MAST4: variants seen among roughly 807,000 people sequenced by gnomAD.
The protein encoded by MAST4 is microtubule-associated serine/threonine-protein kinase 4.
Under a neutral mutation model 162.7 loss-of-function variants are expected in MAST4, and 89 were observed. That is an observed-to-expected ratio of 0.55 (90% CI 0.46 to 0.65). The LOEUF is 0.65. MAST4 is among the 30% of genes least tolerant of loss of function. The probability of loss-of-function intolerance (pLI) is 0.00; values close to 1 mark genes in which losing one functional copy is unlikely to be tolerated. For synonymous variants in MAST4, 1,479 were observed against 1,361.1 expected (o/e 1.09, Z -1.91); for missense variants, 3,153 against 3,374.0 (o/e 0.93, Z 1.62).
At chr5:67,036,352 A>C (rs534590543) in intron 4 of MAST4, among the ~76,000 whole-genome samples, 38 of 152,252 alleles carry the variant, frequency 2.5e-4, no homozygotes, top group Admixed American at 8.5e-4. Flanking sequence ...CATGATTAAA[A>C]ATTTTTGAAA....
Position 67,133,521 on chromosome 5 carries a change from G to A in MAST4, c.2101G>A (p.Val701Ile). 2 of 1,612,968 alleles carry A rather than the reference G, an allele frequency of 1.2e-6. No individual in the cohort carries two copies. Among genetic ancestry groups the A allele is most frequent in the Non-Finnish European group, 1.7e-6 (2 of 1,179,152 alleles). ...HRDLKPDNLL[V>I]TSMGHIKLTD... Reference sequence around the variant, plus strand: ...TGTCCGTCTGCCTCATAGCTTGTTGGTTACCTCCATGGGGCACATAAAGCT... The same window carrying A: ...TGTCCGTCTGCCTCATAGCTTGTTGATTACCTCCATGGGGCACATAAAGCT... The change falls in exon 17 of 29, where the codon GTT becomes ATT. Residue 701 changes from valine (V) to isoleucine (I), a missense_variant. Transcript: ENST00000403625.
At position 66,975,588 on chromosome 5, in the gene MAST4, A is replaced by G. The variant is rs147534597; in HGVS notation, c.674+75606A>G. On this transcript the variant is annotated intron_variant, in intron 4 of 28. Transcript: ENST00000403625. ...ACCACTGTGGCAGGAGAGATTAAGG[A>G]CAAGTGTGTGTAAGGTAGAAACACA... Among the ~76,000 whole-genome samples, 426 of 152,294 alleles carry G rather than the reference A, an allele frequency of 2.8e-3. 3 individuals are homozygous for G. Among genetic ancestry groups the G allele is most frequent in the African/African-American group, 9.9e-3 (412 of 41,564 alleles).
chr5:66,829,971 T>C (rs1757492859), intron 3 of MAST4, among the ~76,000 whole-genome samples: 1 of 152,190 alleles, frequency 6.6e-6, no homozygotes, highest in African/African-American at 2.4e-5. Context: ...TTAATGAATT[T>C]CAGTGTGGTC....
chr5:66,751,366 C>G (rs1407827177), intron 1 of MAST4, among the ~76,000 whole-genome samples: 1 of 152,096 alleles, frequency 6.6e-6, no homozygotes, highest in Non-Finnish European at 1.5e-5. Context: ...GGAGGACATT[C>G]AAACCAAAGG....
At chr5:66,710,572 T>C (rs1031726570) in intron 1 of MAST4, among the ~76,000 whole-genome samples, 2 of 152,176 alleles carry the variant, frequency 1.3e-5, no homozygotes, top group Non-Finnish European at 2.9e-5. Flanking sequence ...TTATATAAAA[T>C]AATAGGCTGA....
chr5:66,947,754 A>G (rs1388502998), intron 4 of MAST4, among the ~76,000 whole-genome samples: 1 of 152,166 alleles, frequency 6.6e-6, no homozygotes, highest in East Asian at 1.9e-4. Context: ...CCCGGACCCC[A>G]CAGGAAAAGT....
intron 1 of MAST4, among the ~76,000 whole-genome samples, chr5:66,608,740 T>G (rs1743072794): frequency 7.0e-6 from 1 of 142,622 alleles, no homozygotes; most frequent in African/African-American, 2.6e-5. Context: ...ATAGTCATTC[T>G]GAGCATGGCA....
intron 6 of MAST4, among the ~76,000 whole-genome samples, chr5:67,092,594 C>T (rs145208069): frequency 6.8e-4 from 103 of 152,254 alleles, no homozygotes; most frequent in Middle Eastern, 3.4e-3. Flanking sequence ...AAAATACTCT[C>T]GTGCCTTTCC....
intron 4 of MAST4, among the ~76,000 whole-genome samples, chr5:66,919,278 G>T (rs1024233657): frequency 2.6e-5 from 4 of 151,976 alleles, no homozygotes; most frequent in Non-Finnish European, 5.9e-5. Context: ...GACCAAAAAA[G>T]GATAGTCAAC....
rs1554093860 is a variant in MAST4, at chr5:67,078,897, T to TATAA, written c.764-11262_764-11261insAATA. On this transcript the variant is annotated intron_variant, in intron 5 of 28. Coordinates refer to ENST00000403625, the MANE Select transcript of MAST4 (RefSeq NM_001164664.2). ...TTATATAAATATATTTATATATTTA[T>TATAA]ATATTTTTATATAAATATATATATA... Among the ~76,000 whole-genome samples the TATAA allele has an allele frequency of 3.5e-3, 266 of 75,684 alleles. 7 individuals are homozygous for TATAA. The highest frequency in any genetic ancestry group is 0.015 in the African/African-American group (258 of 17,538). The allele number at this position is 75,684 out of a possible 152,430, so 49.7% of individuals were successfully genotyped here. A position where few individuals can be genotyped will look rare whatever the true frequency, so the allele number is the denominator to read the frequency against.
intron 16 of MAST4, among the ~76,000 whole-genome samples, chr5:67,133,155 G>A (rs955848210): frequency 2.0e-5 from 3 of 151,824 alleles, no homozygotes; most frequent in South Asian, 2.1e-4. Context: ...GGGTTGCTTA[G>A]TTCCTGGTGT....
intron 4 of MAST4, chr5:66,902,773 T>C (rs762104867): frequency 1.1e-5 from 5 of 443,876 alleles, no homozygotes; most frequent in Non-Finnish European, 4.6e-6. Flanking sequence ...CATTCCAGCT[T>C]CCTAGACAGC....
chr5:66,773,149 C>G (rs532237926), intron 2 of MAST4, among the ~76,000 whole-genome samples: 2 of 152,300 alleles, frequency 1.3e-5, no homozygotes, highest in East Asian at 3.9e-4. Context: ...GATGCTGACT[C>G]TAAGTCAGTT....
chr5:67,151,767 C>CTTT (rs1163541260), intron 24 of MAST4, among the ~76,000 whole-genome samples: 19 of 115,664 alleles, frequency 1.6e-4, no homozygotes, highest in South Asian at 2.9e-4. Flanking sequence ...TTCTTTTTTT[C>CTTT]TTTTTTTTTT....
intron 26 of MAST4, among the ~76,000 whole-genome samples, chr5:67,154,173 G>C (rs1400025888): frequency 6.6e-6 from 1 of 152,184 alleles, no homozygotes; most frequent in Admixed American, 6.5e-5. Context: ...GGAGTAAGAA[G>C]GTCACAGGAA....
chr5:66,846,223 C>T (rs1456052298), intron 3 of MAST4, among the ~76,000 whole-genome samples: 3 of 152,108 alleles, frequency 2.0e-5, no homozygotes, highest in Non-Finnish European at 4.4e-5. Context: ...GACTGATGGC[C>T]CAACTTACAG....
chr5:66,981,548 T>A (rs1051918286), intron 4 of MAST4, among the ~76,000 whole-genome samples: 1 of 152,182 alleles, frequency 6.6e-6, no homozygotes, highest in Admixed American at 6.5e-5. Flanking sequence ...GGAAATTGAG[T>A]TCAGAAACTG....
intron 26 of MAST4, among the ~76,000 whole-genome samples, chr5:67,156,503 T>C (rs961329321): frequency 6.6e-6 from 1 of 152,216 alleles, no homozygotes; most frequent in East Asian, 1.9e-4. Flanking sequence ...AAAAGAGGGA[T>C]GACTTTTCTC....
chr5:66,695,336 CTTGTT>C (rs1271023517), intron 1 of MAST4, among the ~76,000 whole-genome samples: 1 of 152,020 alleles, frequency 6.6e-6, no homozygotes, highest in Non-Finnish European at 1.5e-5. Flanking sequence ...GATGTGTGGT[CTTGTT>C]TCTGAGACCT....
Sources: gnomAD v4.1 joint callset for allele counts (sites outside exome capture counted in the v4.1 genomes callset) on GRCh38, gnomAD v4.1.1 for gene constraint, MANE v1.5 for transcripts, NCBI Gene and HGNC (gene_info 2026-07-23, HGNC 2026-07-21) for gene names.